The following HLF variants were observed in gnomAD, a reference collection of about 807,000 sequenced individuals.
HLF encodes the protein HLF transcription factor, PAR bZIP family member.
A neutral mutation model predicts 22.6 loss-of-function variants in HLF; 3 were observed. The observed-to-expected ratio is 0.13, with a 90% CI of 0.06 to 0.34. HLF has a LOEUF of 0.34. HLF is among the 10% of genes least tolerant of loss of function. The probability of loss-of-function intolerance (pLI) is 1.00; values close to 1 mark genes in which losing one functional copy is unlikely to be tolerated. For synonymous variants in HLF, 151 were observed against 151.8 expected, an observed-to-expected ratio of 0.99 and a Z score of 0.04; for missense variants, 299 against 389.2, an observed-to-expected ratio of 0.77 and a Z score of 1.95.
rs76447265 is a variant in HLF, at chr17:55,323,339, A to G, written c.*2460A>G. 27 of 215,882 alleles carry G rather than the reference A, an allele frequency of 1.3e-4. No homozygotes were observed. The East Asian group carries it at 1.7e-3, about 13-fold the overall frequency. 13.4% of individuals were successfully genotyped at this position (215,882 alleles called of 1,614,324 possible). A position where few individuals can be genotyped will look rare whatever the true frequency, so the allele number is the denominator to read the frequency against. On this transcript the variant is annotated 3_prime_UTR_variant, in exon 4 of 4. Transcript: ENST00000226067. ...TGTTAGATGGCAATAGTCATTAAAA[A>G]CATAGAAAAATGATGTCTTTAAGTG...
Position 55,324,158 on chromosome 17 carries a change from G to T in HLF, c.*3279G>T. 4.4e-6 allele frequency: 1 copy of T among 225,152 alleles called. No homozygotes were observed. The highest frequency in any genetic ancestry group is 8.9e-6 in the Non-Finnish European group (1 of 112,916). The allele number at this position is 225,152 out of a possible 1,614,324, so 13.9% of individuals were successfully genotyped here. A position where few individuals can be genotyped will look rare whatever the true frequency, so the allele number is the denominator to read the frequency against. On this transcript the variant is annotated 3_prime_UTR_variant, in exon 4 of 4. Transcript: ENST00000226067. ...GGCCTTTTGTCTTCAAATACAACAGGCCTCCACTGACCCATCCCTCAAAGC... is the reference window on the plus strand; with the variant it reads ...GGCCTTTTGTCTTCAAATACAACAGTCCTCCACTGACCCATCCCTCAAAGC...
At position 55,265,293 on chromosome 17, in the gene HLF, T is replaced by G. The variant is rs879671343; in HGVS notation, c.-192T>G. The G allele has an allele frequency of 3.5e-5, 17 of 483,030 alleles. No individual in the cohort carries two copies. Among genetic ancestry groups the G allele is most frequent in the Non-Finnish European group, 5.4e-5 (15 of 278,378 alleles). 29.9% of individuals were successfully genotyped at this position (483,030 alleles called of 1,614,324 possible). A position where few individuals can be genotyped will look rare whatever the true frequency, so the allele number is the denominator to read the frequency against. On this transcript the variant is annotated 5_prime_UTR_variant, in exon 1 of 4. Coordinates refer to ENST00000226067, the MANE Select transcript of HLF (RefSeq NM_002126.5). ...ACCGTCTGCACTGGAAACCCGAAAG[T>G]TTTTTTTTAATATATATTTTTATGC...
chr17:55,275,358 A>C (rs1025330538), intron 2 of HLF, among the ~76,000 whole-genome samples: 1 of 152,238 alleles, frequency 6.6e-6, no homozygotes, highest in African/African-American at 2.4e-5. Context: ...GGCCTCCCAA[A>C]GTGCTGGGAT....
At chr17:55,317,259 G>A (rs1390096567) in intron 3 of HLF, among the ~76,000 whole-genome samples, 17 of 152,062 alleles carry the variant, frequency 1.1e-4, no homozygotes, top group African/African-American at 1.9e-4. Context: ...AAGCCACCGC[G>A]CCCGGCCTTT....
chr17:55,267,464 A>G (rs894737125), intron 1 of HLF: 1 of 312,436 alleles, frequency 3.2e-6, no homozygotes, highest in Non-Finnish European at 5.8e-6. Context: ...CTCTTCTCAA[A>G]TAATGTGCTG....
chr17:55,321,864 C>T lies in HLF; in HGVS notation c.*985C>T. 4.3e-6 allele frequency: 1 copy of T among 231,698 alleles called. No individual in the cohort carries two copies. The highest frequency in any genetic ancestry group is 5.7e-5 in the Admixed American group (1 of 17,672). The allele number at this position is 231,698 out of a possible 1,614,324, so 14.4% of individuals were successfully genotyped here. On this transcript the variant is annotated 3_prime_UTR_variant, in exon 4 of 4. Transcript: ENST00000226067. ...ATTGATGTGTTCGGTTTTGTTGTTCCCCTTCCCTCACACCCTGCCTCGCCC... is the reference window on the plus strand; with the variant it reads ...ATTGATGTGTTCGGTTTTGTTGTTCTCCTTCCCTCACACCCTGCCTCGCCC...
intron 2 of HLF, among the ~76,000 whole-genome samples, chr17:55,299,186 T>G (rs1329452645): frequency 6.6e-6 from 1 of 152,236 alleles, no homozygotes; most frequent in South Asian, 2.1e-4. Context: ...CCATTTTGTT[T>G]AGGTACCAGA....
Position 55,321,041 on chromosome 17 carries a change from G to T in HLF, c.*162G>T. 1 of 616,648 alleles carries T rather than the reference G, an allele frequency of 1.6e-6. No homozygotes were observed. The highest frequency in any genetic ancestry group is 2.9e-6 in the Non-Finnish European group (1 of 343,714). The allele number at this position is 616,648 out of a possible 1,614,324, so 38.2% of individuals were successfully genotyped here. ...CATCTGTGTGTGTGTGCGTGTATAT[G>T]TGCTTGTGCTCATGTGTGTGGTCAG... On this transcript the variant is annotated 3_prime_UTR_variant, in exon 4 of 4. Transcript: ENST00000226067.
chr17:55,273,649 C>A (rs542258881), intron 2 of HLF: 1 of 152,284 alleles, frequency 6.6e-6, no homozygotes, highest in African/African-American at 2.4e-5. Flanking sequence ...CCCCAGCTCT[C>A]GTGTGAGCCC....
intron 2 of HLF, among the ~76,000 whole-genome samples, chr17:55,312,045 C>T (rs1316034875): frequency 1.3e-5 from 2 of 151,988 alleles, no homozygotes; most frequent in Non-Finnish European, 2.9e-5. Context: ...AGATGTATCA[C>T]ATTTTCTTTA....
chr17:55,277,233 TTATGTGTATGTGTGTGTGTGTGTG>T (rs1399382572), intron 2 of HLF, among the ~76,000 whole-genome samples: 2 of 138,954 alleles, frequency 1.4e-5, no homozygotes, highest in Non-Finnish European at 3.0e-5. Flanking sequence ...GAACCAGATG[TTATGTGTATGTGTGTGTGTGTGTG>T]TGTGTGTGTG....
chr17:55,271,238 C>G (rs1211186841), intron 2 of HLF, among the ~76,000 whole-genome samples: 1 of 152,084 alleles, frequency 6.6e-6, no homozygotes, highest in Admixed American at 6.5e-5. Context: ...ATTGGGTTGC[C>G]AAGAAGAAAT....
At chr17:55,299,931 C>A (rs2081142253) in intron 2 of HLF, among the ~76,000 whole-genome samples, 1 of 152,108 alleles carries the variant, frequency 6.6e-6, no homozygotes, top group Non-Finnish European at 1.5e-5. Flanking sequence ...CTCCTGGGCT[C>A]AAGCGATCCT....
At chr17:55,303,737 G>A (rs982958751) in intron 2 of HLF, among the ~76,000 whole-genome samples, 13 of 152,244 alleles carry the variant, frequency 8.5e-5, no homozygotes, top group African/African-American at 2.4e-4. Flanking sequence ...GGGCATGCAC[G>A]GTTATCTCTC....
intron 2 of HLF, among the ~76,000 whole-genome samples, chr17:55,281,846 A>G (rs2080958495): frequency 6.6e-6 from 1 of 152,210 alleles, no homozygotes; most frequent in African/African-American, 2.4e-5. Context: ...GGCATATCTC[A>G]GTGGCCAAAA....
chr17:55,324,753 C>T lies in HLF; in HGVS notation c.*3874C>T, dbSNP rs563110026. On this transcript the variant is annotated 3_prime_UTR_variant, in exon 4 of 4. Coordinates refer to ENST00000226067, the MANE Select transcript of HLF (RefSeq NM_002126.5). The stretch of plus-strand genomic sequence containing the variant: ...GCCTTATCCGAATCGGATATAGCAA[C>T]TAAAGTCAATACATTTTGCAGGAGG... 4.3e-6 allele frequency: 1 copy of T among 233,190 alleles called. No individual in the cohort carries two copies. The highest frequency in any genetic ancestry group is 1.8e-4 in the South Asian group (1 of 5,514). 14.4% of individuals were successfully genotyped at this position (233,190 alleles called of 1,614,324 possible).
At chr17:55,290,934 T>C (rs1022394709) in intron 2 of HLF, among the ~76,000 whole-genome samples, 4 of 152,168 alleles carry the variant, frequency 2.6e-5, no homozygotes, top group African/African-American at 9.7e-5. Context: ...AGTTTGAGTG[T>C]CCTGGATAGA....
At chr17:55,295,957 A>G (rs1567819406) in intron 2 of HLF, among the ~76,000 whole-genome samples, 1 of 152,248 alleles carries the variant, frequency 6.6e-6, no homozygotes, top group Non-Finnish European at 1.5e-5. Flanking sequence ...TTATGGGGAA[A>G]AAATGCATAT....
intron 2 of HLF, among the ~76,000 whole-genome samples, chr17:55,276,332 C>T (rs1299567482): frequency 1.3e-5 from 2 of 152,164 alleles, no homozygotes; most frequent in African/African-American, 4.8e-5. Flanking sequence ...ACAGGACAAA[C>T]TAGCATGTTC....
Sources: allele counts gnomAD v4.1 joint callset (sites outside exome capture counted in the v4.1 genomes callset), GRCh38; gene constraint gnomAD v4.1.1; transcripts MANE v1.5; gene names NCBI Gene and HGNC (gene_info 2026-07-23, HGNC 2026-07-21).